The following OSBPL10 variants were observed in gnomAD, a reference collection of about 807,000 sequenced individuals.
OSBPL10 encodes the protein oxysterol binding protein like 10.
Under a neutral mutation model 81.7 loss-of-function variants are expected in OSBPL10, and 49 were observed. That is an observed-to-expected ratio of 0.60 (90% CI 0.48 to 0.76). The LOEUF is 0.76. Ranked by LOEUF, OSBPL10 falls within the 30% of genes least tolerant of loss-of-function variation. The probability of loss-of-function intolerance (pLI) is 0.00; values close to 1 mark genes in which losing one functional copy is unlikely to be tolerated. For synonymous variants in OSBPL10, 419 were observed against 383.6 expected, an observed-to-expected ratio of 1.09 and a Z score of -1.08; for missense variants, 923 against 987.8, an observed-to-expected ratio of 0.93 and a Z score of 0.88.
At position 31,699,279 on chromosome 3, in the gene OSBPL10, A is replaced by C. The variant is rs550180041; in HGVS notation, c.1245+3080T>G. ...CCTCAGGATCAAGTTTGTCCCCTTC[A>C]CATGGCCCATAGGCTCTGCAGGACC... On this transcript the variant is annotated intron_variant, in intron 7 of 11. Transcript: ENST00000396556. Among the ~76,000 whole-genome samples, 16 of 152,176 alleles carry C rather than the reference A, an allele frequency of 1.1e-4. No homozygotes were observed. In the South Asian group the frequency reaches 3.3e-3, roughly 32 times the overall value.
At chr3:31,945,340 A>G (rs1236822895) in intron 1 of OSBPL10, among the ~76,000 whole-genome samples, 1 of 152,098 alleles carries the variant, frequency 6.6e-6, no homozygotes, top group Non-Finnish European at 1.5e-5. Flanking sequence ...TGGGGCTCCC[A>G]AAGTCACCAC....
chr3:31,711,553 A>C (rs528079305), intron 6 of OSBPL10, among the ~76,000 whole-genome samples: 16 of 152,340 alleles, frequency 1.1e-4, no homozygotes, highest in African/African-American at 3.8e-4. Context: ...AACCAAAAAG[A>C]AAGCATGGGA....
intron 1 of OSBPL10, among the ~76,000 whole-genome samples, chr3:31,951,783 CTG>C (rs1559529826): frequency 4.0e-5 from 6 of 151,648 alleles, no homozygotes; most frequent in Non-Finnish European, 7.4e-5. Flanking sequence ...GATGAAGAAA[CTG>C]AGAGTTAAAA....
At chr3:31,905,804 A>G (rs1323632931) in intron 1 of OSBPL10, among the ~76,000 whole-genome samples, 1 of 152,006 alleles carries the variant, frequency 6.6e-6, no homozygotes, top group Non-Finnish European at 1.5e-5. Flanking sequence ...AAAAAAAAAT[A>G]TAAGACTTCT....
chr3:32,034,385 G>A (rs1301362861), intron 2 of OSBPL10, among the ~76,000 whole-genome samples: 1 of 150,782 alleles, frequency 6.6e-6, no homozygotes, highest in African/African-American at 2.4e-5. Flanking sequence ...AGGCTGCAGT[G>A]AGCAGAGATG....
At chr3:31,959,432 A>G (rs577016422) in intron 1 of OSBPL10, among the ~76,000 whole-genome samples, 2 of 152,224 alleles carry the variant, frequency 1.3e-5, no homozygotes, top group Non-Finnish European at 2.9e-5. Context: ...GGAAATTAGC[A>G]TGAGACTCAG....
At chr3:31,976,989 A>G (rs897766100) in intron 1 of OSBPL10, among the ~76,000 whole-genome samples, 3 of 152,222 alleles carry the variant, frequency 2.0e-5, no homozygotes, top group Non-Finnish European at 4.4e-5. Context: ...GAGCAACTCC[A>G]AAATAGCTCC....
chr3:31,844,030 G>A (rs1052312228), intron 3 of OSBPL10, among the ~76,000 whole-genome samples: 1 of 152,192 alleles, frequency 6.6e-6, no homozygotes, highest in Non-Finnish European at 1.5e-5. Context: ...GTAGTACAAA[G>A]ATTGTTTTTC....
chr3:32,058,746 C>T (rs915957415), intron 1 of OSBPL10, among the ~76,000 whole-genome samples: 17 of 152,220 alleles, frequency 1.1e-4, no homozygotes, highest in Non-Finnish European at 2.9e-5. Context: ...TAGCTTACTG[C>T]AGCCTTGACC....
In OSBPL10 at chr3:31,702,498, C is replaced by A; in HGVS notation, c.1106G>T (p.Gly369Val). The A allele has an allele frequency of 5.0e-6, 8 of 1,614,102 alleles. No individual in the cohort carries two copies. Among genetic ancestry groups the A allele is most frequent in the Non-Finnish European group, 5.9e-6 (7 of 1,180,018 alleles). The change falls in exon 7 of 12, where the codon GGC (glycine) becomes GTC (valine). Residue 369 changes from glycine (G) to valine (V), a missense_variant. Around this residue, in one of 3 missense-constraint regions of OSBPL10, gnomAD observed 514 missense variants for 508.0 expected, o/e 1.01. Transcript: ENST00000396556. The stretch of plus-strand genomic sequence containing the variant: ...ATCTTCAGACAAAACCAATTCAGAG[C>A]CTGAGTTTGGCTAAAATGAAATAAT... ...TSQPEPEPNSGSELVLSEDEK... is the reference protein window; with the variant it reads ...TSQPEPEPNSVSELVLSEDEK...
intron 8 of OSBPL10, among the ~76,000 whole-genome samples, chr3:31,680,329 C>T (rs1335832407): frequency 3.9e-5 from 6 of 152,210 alleles, no homozygotes; most frequent in African/African-American, 1.4e-4. Context: ...TGCTCCTCTG[C>T]TCTTCCTGGG....
At chr3:31,734,612 C>T (rs558050549) in intron 5 of OSBPL10, among the ~76,000 whole-genome samples, 2 of 152,106 alleles carry the variant, frequency 1.3e-5, no homozygotes, top group African/African-American at 2.4e-5. Flanking sequence ...GTGACACAAG[C>T]CTGTAGTCCC....
At chr3:32,001,837 A>G (rs1269427001) in intron 2 of OSBPL10, among the ~76,000 whole-genome samples, 1 of 152,164 alleles carries the variant, frequency 6.6e-6, no homozygotes, top group Non-Finnish European at 1.5e-5. Flanking sequence ...GCCCCACTCA[A>G]TTGAAATAAC....
intron 4 of OSBPL10, among the ~76,000 whole-genome samples, chr3:31,775,332 G>A (rs1474930307): frequency 3.3e-5 from 5 of 152,124 alleles, no homozygotes; most frequent in African/African-American, 7.2e-5. Context: ...GCTGATTCAG[G>A]AGGAAAACAG....
At chr3:32,051,046 C>G (rs1346775976) in intron 1 of OSBPL10, among the ~76,000 whole-genome samples, 1 of 152,108 alleles carries the variant, frequency 6.6e-6, no homozygotes, top group African/African-American at 2.4e-5. Context: ...TTTAGAAGGC[C>G]TTTATGTTTT....
intron 5 of OSBPL10, among the ~76,000 whole-genome samples, chr3:31,737,439 A>T (rs560411547): frequency 6.6e-6 from 1 of 152,316 alleles, no homozygotes; most frequent in South Asian, 2.1e-4. Context: ...TCAGCACATA[A>T]ATATAGGACA....
chr3:31,878,814 CAT>C (rs1491131081), intron 2 of OSBPL10, among the ~76,000 whole-genome samples: 5,976 of 104,792 alleles, frequency 0.057, 336 homozygotes, highest in African/African-American at 0.15. Flanking sequence ...TCTGCGTGTC[CAT>C]GTGTGTGTGT....
chr3:31,812,774 GAA>G (rs1268171090), intron 4 of OSBPL10, among the ~76,000 whole-genome samples: 32 of 37,272 alleles, frequency 8.6e-4, no homozygotes, highest in Middle Eastern at 0.019. Context: ...AAGAAAGAAA[GAA>G]AGAAAGAAAG....
intron 4 of OSBPL10, among the ~76,000 whole-genome samples, chr3:31,754,752 A>G (rs949523482): frequency 4.6e-5 from 7 of 152,164 alleles, no homozygotes; most frequent in African/African-American, 1.7e-4. Context: ...GGCAATGAAT[A>G]AACAAATGGG....
Sources: allele counts gnomAD v4.1 joint callset (sites outside exome capture counted in the v4.1 genomes callset), GRCh38; gene constraint gnomAD v4.1.1; regional missense constraint gnomAD v4.1.1; transcripts MANE v1.5; gene names NCBI Gene and HGNC (gene_info 2026-07-23, HGNC 2026-07-21).